Variants in PPP2R3C observed in about 807,000 individuals in gnomAD.
The protein encoded by PPP2R3C is protein phosphatase 2 regulatory subunit B''gamma, also known as serine/threonine-protein phosphatase 2A regulatory subunit B'' subunit gamma.
Under a neutral mutation model 63.7 loss-of-function variants are expected in PPP2R3C, and 47 were observed. The observed-to-expected ratio is 0.74, with a 90% CI of 0.58 to 0.94. The LOEUF (loss-of-function observed/expected upper bound fraction) is 0.94, where lower values mean the gene tolerates loss of function less well. PPP2R3C is among the 40% of genes least tolerant of loss of function. The pLI, the probability that PPP2R3C is intolerant of heterozygous loss-of-function variation, is 0.00. For synonymous variants in PPP2R3C, 180 were observed against 177.4 expected (o/e 1.01, Z -0.12); for missense variants, 421 against 518.4 (o/e 0.81, Z 1.82).
chr14:35,118,515 A>AT (rs1474361502), intron 1 of PPP2R3C, among the ~76,000 whole-genome samples: 2 of 152,126 alleles, frequency 1.3e-5, no homozygotes, highest in African/African-American at 2.4e-5. Context: ...AAAGACAGAG[A>AT]TTTTTTTGTG....
At chr14:35,098,179 A>ATT (rs552604039) in intron 7 of PPP2R3C, among the ~76,000 whole-genome samples, 66 of 133,410 alleles carry the variant, frequency 4.9e-4, no homozygotes, top group East Asian at 6.6e-4. Flanking sequence ...TCATAACTGG[A>ATT]TTTTTTTTTT....
intron 11 of PPP2R3C, among the ~76,000 whole-genome samples, chr14:35,090,404 G>A (rs2045768867): frequency 6.6e-6 from 1 of 151,968 alleles, no homozygotes; most frequent in Non-Finnish European, 1.5e-5. Context: ...CCCAGTTATT[G>A]GGGAGGCTGA....
At chr14:35,116,321 G>A (rs1253638397) in intron 2 of PPP2R3C, among the ~76,000 whole-genome samples, 5 of 151,976 alleles carry the variant, frequency 3.3e-5, no homozygotes, top group Non-Finnish European at 5.9e-5. Flanking sequence ...ACACAATCAC[G>A]GCTCACTGCT....
chr14:35,099,670 T>C (rs2046120923), intron 6 of PPP2R3C: 1 of 260,924 alleles, frequency 3.8e-6, no homozygotes, highest in African/African-American at 2.3e-5. Context: ...ACTTGTATTA[T>C]CAACTTCTGA....
intron 11 of PPP2R3C, among the ~76,000 whole-genome samples, chr14:35,090,134 T>C (rs1189501446): frequency 6.6e-6 from 1 of 152,030 alleles, no homozygotes; most frequent in South Asian, 2.1e-4. Context: ...AATACAAATA[T>C]GTGATAAATT....
intron 9 of PPP2R3C, among the ~76,000 whole-genome samples, chr14:35,096,345 C>T (rs1234232503): frequency 1.3e-5 from 2 of 152,120 alleles, no homozygotes. Flanking sequence ...CAGAGTGAGA[C>T]CCTGTCTTCA....
In PPP2R3C at chr14:35,105,489, T is replaced by C. The variant is rs1180703670; in HGVS notation, c.573+1815A>G. Reference sequence around the variant, plus strand: ...AGCCACCGCGCCCAGCCAAAAGGCCTTTTTTTTTTAAAGTTTGAAGAAAAA... The same window carrying C: ...AGCCACCGCGCCCAGCCAAAAGGCCCTTTTTTTTTAAAGTTTGAAGAAAAA... On this transcript the variant is annotated intron_variant, in intron 6 of 12. Transcript: ENST00000261475. Among the ~76,000 whole-genome samples, 4 of 140,880 alleles carry C rather than the reference T, an allele frequency of 2.8e-5. No individual in the cohort carries two copies. In the East Asian group the frequency reaches 7.8e-4, roughly 28 times the overall value. The allele number at this position is 140,880 out of a possible 152,430, so 92.4% of individuals were successfully genotyped here. A position where few individuals can be genotyped will look rare whatever the true frequency, so the allele number is the denominator to read the frequency against.
chr14:35,089,832 A>AT (rs539566789), intron 11 of PPP2R3C, among the ~76,000 whole-genome samples: 1,642 of 100,714 alleles, frequency 0.016, 21 homozygotes, highest in African/African-American at 0.053. Context: ...CGCCCGGCTG[A>AT]TTTTTTTGCA....
intron 10 of PPP2R3C, 146 bp downstream of exon 10, chr14:35,094,902 G>A (rs757892344): frequency 2.5e-4 from 196 of 782,240 alleles, no homozygotes; most frequent in East Asian, 1.4e-4. Context: ...TGCATTGAGC[G>A]GAGATCACAC....
At position 35,099,244 on chromosome 14, in the gene PPP2R3C, TC is replaced by T; in HGVS notation, c.706+7del. 1 of 1,554,548 alleles carries T rather than the reference TC, an allele frequency of 6.4e-7. No homozygotes were observed. Among genetic ancestry groups the T allele is most frequent in the Admixed American group, 2.3e-5 (1 of 43,506 alleles). The stretch of plus-strand genomic sequence containing the variant: ...ATAATATCTAAGTTAGATAAGATTT[TC>T]TTTTACCTGTTCTTAAAGGATCTAA... On this transcript the variant is annotated splice_region_variant and intron_variant, in intron 7 of 12. Transcript: ENST00000261475.
intron 1 of PPP2R3C, 28 bp downstream of exon 1, chr14:35,121,874 C>G (rs2046913409): frequency 6.2e-7 from 1 of 1,613,844 alleles, no homozygotes; most frequent in South Asian, 1.1e-5. Flanking sequence ...CCGGGCCATC[C>G]CAACGGGCTG....
In PPP2R3C at chr14:35,096,547, T is replaced by C. The variant is rs1483562664; in HGVS notation, c.838+11A>G. On this transcript the variant is annotated intron_variant, in intron 9 of 12. Coordinates refer to ENST00000261475, the MANE Select transcript of PPP2R3C (RefSeq NM_017917.4). ...GATAATTCAAATTTTAGCATTATGA[T>C]AGGAACATACCATAAACTCTTAGGG... 1.2e-6 allele frequency: 2 copies of C among 1,606,904 alleles called. No homozygotes were observed. Among genetic ancestry groups the C allele is most frequent in the East Asian group, 2.2e-5 (1 of 44,776 alleles).
chr14:35,085,909 T>G (rs1308516581), intron 12 of PPP2R3C, 131 bp from the exon 13 acceptor site: 6 of 696,652 alleles, frequency 8.6e-6, no homozygotes, highest in Non-Finnish European at 1.3e-5. Flanking sequence ...CACTTGGGCT[T>G]ATGTTAATTT....
At chr14:35,087,105 A>G (rs1368946120) in intron 12 of PPP2R3C, 1 of 152,178 alleles carries the variant, frequency 6.6e-6, no homozygotes, top group African/African-American at 2.4e-5. Context: ...TTCTCTGGAT[A>G]TGCATTAGAC....
chr14:35,117,481 G>A (rs2046742535), intron 1 of PPP2R3C, among the ~76,000 whole-genome samples: 1 of 152,152 alleles, frequency 6.6e-6, no homozygotes, highest in Non-Finnish European at 1.5e-5. Flanking sequence ...ATCCCTTTCT[G>A]AAATCTTAAG....
Position 35,085,633 on chromosome 14 carries a change from A to C in PPP2R3C, c.1319T>G (p.Val440Gly). 7 of 1,613,102 alleles carry C rather than the reference A, an allele frequency of 4.3e-6. No homozygotes were observed. Among genetic ancestry groups the C allele is most frequent in the Non-Finnish European group, 5.9e-6 (7 of 1,179,736 alleles). ...TGCAGAGTTTTCACTGTCATTTGCA[A>C]CAAGAGCCTCTCTGTTCTCGTAAGT... ...FWTYENREALVANDSENSADL... is the reference protein window; with the variant it reads ...FWTYENREALGANDSENSADL... Residue 440 changes from valine to glycine, a missense_variant, in exon 13 of 13, where the codon GTT becomes GGT. This residue lies in a region of PPP2R3C where 231 missense variants were observed against 264.8 expected (regional missense o/e 0.87). Coordinates refer to ENST00000261475, the MANE Select transcript of PPP2R3C (RefSeq NM_017917.4).
intron 2 of PPP2R3C, among the ~76,000 whole-genome samples, chr14:35,115,531 T>A (rs2046685656): frequency 6.6e-6 from 1 of 152,042 alleles, no homozygotes; most frequent in African/African-American, 2.4e-5. Context: ...CTACCATGAA[T>A]AGCTTTTCTT....
Position 35,099,336 on chromosome 14 carries a change from C to A in PPP2R3C, c.622G>T (p.Asp208Tyr). The part of the protein sequence containing the change: ...LELIPTLPQL[D>Y]GLEKSFYSFY... ...GAGTAGAAAGATTTTTCCAGACCAT[C>A]TAATTGTGGCAACGTAGGGATAAGT... The change falls in exon 7 of 13, where the codon GAT (aspartate) becomes TAT (tyrosine). Residue 208 changes from aspartate to tyrosine, a missense_variant. Coordinates refer to ENST00000261475, the MANE Select transcript of PPP2R3C (RefSeq NM_017917.4). 1 of 1,601,886 alleles carries A rather than the reference C, an allele frequency of 6.2e-7. No individual in the cohort carries two copies. The highest frequency in any genetic ancestry group is 1.8e-5 in the Admixed American group (1 of 55,846).
rs1403067864 is a variant in PPP2R3C at position 35,085,646 on chromosome 14, T to G, written c.1306A>C (p.Arg436=). 1.9e-6 allele frequency: 3 copies of G among 1,613,462 alleles called. No individual in the cohort carries two copies. In the African/African-American group the frequency reaches 4.0e-5, roughly 22 times the overall value. Residue 436 remains arginine, a synonymous_variant, in exon 13 of 13, where the codon AGA becomes CGA. Coordinates refer to ENST00000261475, the MANE Select transcript of PPP2R3C (RefSeq NM_017917.4). ...DLNGFWTYEN[R]EALVANDSEN... ...CTGTCATTTGCAACAAGAGCCTCTCTGTTCTCGTAAGTCCAGAAGCCATTC... is the reference window on the plus strand; with the variant it reads ...CTGTCATTTGCAACAAGAGCCTCTCGGTTCTCGTAAGTCCAGAAGCCATTC...
Sources: allele counts gnomAD v4.1 joint callset (sites outside exome capture counted in the v4.1 genomes callset), GRCh38; gene constraint gnomAD v4.1.1; regional missense constraint gnomAD v4.1.1; transcripts MANE v1.5; gene names NCBI Gene and HGNC (gene_info 2026-07-23, HGNC 2026-07-21).